Variants in TIMM17A observed in about 807,000 individuals in gnomAD.
TIMM17A encodes mitochondrial import inner membrane translocase subunit Tim17-A.
Under a neutral mutation model 26.5 loss-of-function variants are expected in TIMM17A, and 15 were observed. That is an observed-to-expected ratio of 0.57 (90% confidence interval 0.38 to 0.87). The LOEUF (loss-of-function observed/expected upper bound fraction) is 0.87, where lower values mean the gene tolerates loss of function less well. TIMM17A is among the 40% of genes least tolerant of loss of function. The probability of loss-of-function intolerance (pLI) is 0.00; values close to 1 mark genes in which losing one functional copy is unlikely to be tolerated. For synonymous variants in TIMM17A, 80 were observed against 70.8 expected (o/e 1.13, Z -0.66); for missense variants, 201 against 210.0 (o/e 0.96, Z 0.27).
At chr1:201,956,930 T>G (rs1194928119) in intron 1 of TIMM17A, among the ~76,000 whole-genome samples, 5 of 142,920 alleles carry the variant, frequency 3.5e-5, no homozygotes, top group Non-Finnish European at 3.0e-5. Flanking sequence ...CACTCCAGCC[T>G]GGGTGACAGA....
rs778725712 is a variant in TIMM17A, at chr1:201,963,722, G to T, written c.297G>T (p.Thr99=). The T allele has an allele frequency of 6.2e-7, 1 of 1,608,678 alleles. No individual in the cohort carries two copies. The highest frequency in any genetic ancestry group is 1.1e-5 in the South Asian group (1 of 90,100). The change falls in exon 4 of 6, where the codon ACG becomes ACT. Residue 99 remains threonine, a synonymous_variant. Coordinates refer to ENST00000367287, the MANE Select transcript of TIMM17A (RefSeq NM_006335.3). ...PWNSITSGAL[T]GAILAARNGP... ...ACTCCATCACAAGTGGTGCCTTAAC[G>T]GGAGCCATACTGGCAGCAAGAAGTA...
intron 3 of TIMM17A, among the ~76,000 whole-genome samples, chr1:201,960,190 A>C (rs1274757828): frequency 6.6e-6 from 1 of 152,014 alleles, no homozygotes; most frequent in East Asian, 1.9e-4. Context: ...CCTAAGGTCG[A>C]GAGTTCGAAA....
chr1:201,960,012 A>AAAT (rs2102942353), intron 3 of TIMM17A, among the ~76,000 whole-genome samples: 1 of 151,780 alleles, frequency 6.6e-6, no homozygotes, highest in African/African-American at 2.4e-5. Context: ...ATAAATAAAT[A>AAAT]AATAAATAAA....
Position 201,969,660 on chromosome 1 carries a change from GCCAA to G in TIMM17A, c.*107_*110del. On this transcript the variant is annotated 3_prime_UTR_variant, in exon 6 of 6. Coordinates refer to ENST00000367287, the MANE Select transcript of TIMM17A (RefSeq NM_006335.3). Reference sequence around the variant, plus strand: ...TAAAACCATAGGTGGGACAGCTATGGCCAATAGGCTATAAAGAGACATTTAGCAC... The same window carrying G: ...TAAAACCATAGGTGGGACAGCTATGGTAGGCTATAAAGAGACATTTAGCAC... 4.4e-6 allele frequency: 4 copies of G among 905,250 alleles called. No homozygotes were observed. Among genetic ancestry groups the G allele is most frequent in the Non-Finnish European group, 7.1e-6 (4 of 561,700 alleles). The allele number at this position is 905,250 out of a possible 1,614,324, so 56.1% of individuals were successfully genotyped here. A position where few individuals can be genotyped will look rare whatever the true frequency, so the allele number is the denominator to read the frequency against.
At position 201,970,149 on chromosome 1, in the gene TIMM17A, G is replaced by A. The variant is rs1682708335; in HGVS notation, c.*595G>A. 6.6e-6 allele frequency: 1 copy of A among 152,130 alleles called. No homozygotes were observed. Among genetic ancestry groups the A allele is most frequent in the African/African-American group, 2.4e-5 (1 of 41,406 alleles). 9.4% of individuals were successfully genotyped at this position (152,130 alleles called of 1,614,324 possible). On this transcript the variant is annotated 3_prime_UTR_variant, in exon 6 of 6. Transcript: ENST00000367287. Reference sequence around the variant, plus strand: ...TTGAAAGTAAAATATACTATGTCTTGGTTTTGAGGATATTGGATACAAAAC... The same window carrying A: ...TTGAAAGTAAAATATACTATGTCTTAGTTTTGAGGATATTGGATACAAAAC...
intron 3 of TIMM17A, among the ~76,000 whole-genome samples, chr1:201,959,007 T>C (rs566287078): frequency 1.3e-5 from 2 of 152,350 alleles, no homozygotes; most frequent in South Asian, 4.1e-4. Flanking sequence ...TTGGTGGTTA[T>C]TGTGTTATTC....
chr1:201,957,263 T>C lies in TIMM17A; in HGVS notation c.27-18T>C. The C allele has an allele frequency of 6.6e-7, 1 of 1,523,494 alleles. No homozygotes were observed. The highest frequency in any genetic ancestry group is 9.1e-7 in the Non-Finnish European group (1 of 1,104,742). The allele number at this position is 1,523,494 out of a possible 1,614,324, so 94.4% of individuals were successfully genotyped here. ...TTGTGAATGAGAAATATGGTCTTTT[T>C]TTTCCCCCTGTTCTTAGCCCATGGC... On this transcript the variant is annotated intron_variant, in intron 1 of 5. Transcript: ENST00000367287.
intron 1 of TIMM17A, among the ~76,000 whole-genome samples, 197 bp downstream of exon 1, chr1:201,955,749 C>G (rs1415943399): frequency 2.0e-5 from 3 of 152,238 alleles, no homozygotes; most frequent in Non-Finnish European, 2.9e-5. Context: ...CCGCGTGAGC[C>G]TCCCTCTCCC....
Position 201,955,562 on chromosome 1 carries a change from A to C in TIMM17A, c.26+10A>C, listed in dbSNP as rs748182284. 2.5e-6 allele frequency: 4 copies of C among 1,614,170 alleles called. No homozygotes were observed. Among genetic ancestry groups the C allele is most frequent in the Non-Finnish European group, 3.4e-6 (4 of 1,180,028 alleles). On this transcript the variant is annotated intron_variant, in intron 1 of 5. Transcript: ENST00000367287. Reference sequence around the variant, plus strand: ...ACGCGCGAGAGCCTTGGTGAGCTTCACCGCTGTCTTTGCATTTCTCTTGCC... The same window carrying C: ...ACGCGCGAGAGCCTTGGTGAGCTTCCCCGCTGTCTTTGCATTTCTCTTGCC...
chr1:201,964,200 G>A (rs1367477972), intron 4 of TIMM17A, among the ~76,000 whole-genome samples: 1 of 152,196 alleles, frequency 6.6e-6, no homozygotes, highest in African/African-American at 2.4e-5. Context: ...ATTTGAGAAT[G>A]AAAGAGCATG....
chr1:201,955,586 C>A, intron 1 of TIMM17A, 34 bp downstream of exon 1: 1 of 1,613,968 alleles, frequency 6.2e-7, no homozygotes, highest in South Asian at 1.1e-5. Flanking sequence ...ATTTCTCTTG[C>A]CCCCCTGCCC....
chr1:201,957,296 G>T lies in TIMM17A; in HGVS notation c.42G>T (p.Val14=). 1 of 1,611,900 alleles carries T rather than the reference G, an allele frequency of 6.2e-7. No homozygotes were observed. The highest frequency in any genetic ancestry group is 8.5e-7 in the Non-Finnish European group (1 of 1,178,412). The change falls in exon 2 of 6, where the codon GTG becomes GTT. Residue 14 remains valine (V), a synonymous_variant. Transcript: ENST00000367287. ...YAREPCPWRI[V]DDCGGAFTMG... ...CTGTTCTTAGCCCATGGCGAATTGTGGATGACTGTGGTGGGGCCTTTACGA... is the reference window on the plus strand; with the variant it reads ...CTGTTCTTAGCCCATGGCGAATTGTTGATGACTGTGGTGGGGCCTTTACGA...
chr1:201,967,893 G>A lies in TIMM17A; in HGVS notation c.431-1576G>A, dbSNP rs567762116. Among the ~76,000 whole-genome samples the A allele has an allele frequency of 3.9e-5, 6 of 152,208 alleles. No individual in the cohort carries two copies. In the South Asian group the frequency reaches 1.2e-3, roughly 32 times the overall value. On this transcript the variant is annotated intron_variant, in intron 5 of 5. Coordinates refer to ENST00000367287, the MANE Select transcript of TIMM17A (RefSeq NM_006335.3). The stretch of plus-strand genomic sequence containing the variant: ...ATTTATATAGAAGCAGCCTAAAAGA[G>A]GTGTATTTATTTTTAGACAAGAGAT...
rs370079706 is a variant in TIMM17A at position 201,955,563 on chromosome 1, C to T, written c.26+11C>T. On this transcript the variant is annotated intron_variant, in intron 1 of 5. Coordinates refer to ENST00000367287, the MANE Select transcript of TIMM17A (RefSeq NM_006335.3). ...CGCGCGAGAGCCTTGGTGAGCTTCA[C>T]CGCTGTCTTTGCATTTCTCTTGCCC... 103 of 1,614,132 alleles carry T rather than the reference C, an allele frequency of 6.4e-5. No homozygotes were observed. The African/African-American group carries it at 1.1e-3, about 18-fold the overall frequency.
chr1:201,957,504 G>A lies in TIMM17A; in HGVS notation c.127-7G>A, dbSNP rs1036081248. 6 of 1,611,796 alleles carry A rather than the reference G, an allele frequency of 3.7e-6. No individual in the cohort carries two copies. The highest frequency in any genetic ancestry group is 1.7e-6 in the Non-Finnish European group (2 of 1,179,330). On this transcript the variant is annotated splice_region_variant and splice_polypyrimidine_tract_variant and intron_variant, in intron 2 of 5. Transcript: ENST00000367287. ...TATTTTTTGTTGCTTCCTTTTTTTT[G>A]TTATAGGGAGTAAACCACAGACTAC... is the stretch of plus-strand genomic sequence containing the variant.
chr1:201,967,288 T>TA (rs1157271599), intron 5 of TIMM17A, among the ~76,000 whole-genome samples: 2 of 151,942 alleles, frequency 1.3e-5, no homozygotes, highest in Admixed American at 6.6e-5. Context: ...CCTCTCACCT[T>TA]CTGTTTGTTT....
rs570309464 is a variant in TIMM17A at position 201,964,635 on chromosome 1, C to CTTTTTTTTTTTTTTTTTT, written c.320-784_320-767dup. On this transcript the variant is annotated intron_variant, in intron 4 of 5. Coordinates refer to ENST00000367287, the MANE Select transcript of TIMM17A (RefSeq NM_006335.3). ...TTTATTTATTTATTTTATTTTATTT[C>CTTTTTTTTTTTTTTTTTT]TTTTTTTTTTTTTTTTTTTTTTTTT... 8.8e-5 allele frequency among the ~76,000 whole-genome samples: 8 copies of CTTTTTTTTTTTTTTTTTT among 90,950 alleles called. 2 individuals carry two copies. The highest frequency in any genetic ancestry group is 2.6e-4 in the African/African-American group (5 of 19,436). The allele number at this position is 90,950 out of a possible 152,430, so 59.7% of individuals were successfully genotyped here.
chr1:201,962,489 G>GA (rs1682550718), intron 3 of TIMM17A: 1 of 152,246 alleles, frequency 6.6e-6, no homozygotes, highest in Non-Finnish European at 1.5e-5. Flanking sequence ...TGGGACTACA[G>GA]GTGCCCGCCA....
chr1:201,966,455 GCC>G, intron 5 of TIMM17A, among the ~76,000 whole-genome samples: 1 of 152,148 alleles, frequency 6.6e-6, no homozygotes, highest in Admixed American at 6.5e-5. Context: ...GGAGTTCAAG[GCC>G]AGCCTGGGCA....
Sources: gnomAD v4.1 joint callset for allele counts (sites outside exome capture counted in the v4.1 genomes callset) on GRCh38, gnomAD v4.1.1 for gene constraint, MANE v1.5 for transcripts, NCBI Gene and HGNC (gene_info 2026-07-23, HGNC 2026-07-21) for gene names.